The following BBS2 variants were observed in gnomAD, a reference collection of about 807,000 sequenced individuals.
The protein encoded by BBS2 is Bardet-Biedl syndrome 2.
BBS2 carries 62 observed loss-of-function variants against 83.0 expected under a neutral mutation model. That is an observed-to-expected ratio of 0.75 (90% CI 0.61 to 0.92). BBS2 has a LOEUF of 0.92. BBS2 is among the 40% of genes least tolerant of loss of function. The probability of loss-of-function intolerance (pLI) is 0.00; values close to 1 mark genes in which losing one functional copy is unlikely to be tolerated. For missense variants in BBS2, 784 were observed against 901.0 expected (o/e 0.87, Z 1.66); for synonymous variants, 303 against 326.1 (o/e 0.93, Z 0.76).
chr16:56,513,618 T>C (rs1964642045), intron 2 of BBS2, among the ~76,000 whole-genome samples: 1 of 152,236 alleles, frequency 6.6e-6, no homozygotes, highest in Non-Finnish European at 1.5e-5. Context: ...ATAATTCCAT[T>C]GTTTATGAAA....
chr16:56,519,377 G>A (rs74021105), intron 1 of BBS2: 22,941 of 190,680 alleles, frequency 0.12, 1,547 homozygotes, highest in African/African-American at 0.15. Flanking sequence ...TAGAGAGTCA[G>A]AGGAATTCCG....
intron 15 of BBS2, among the ~76,000 whole-genome samples, chr16:56,495,281 T>A (rs1333687132): frequency 6.6e-6 from 1 of 152,156 alleles, no homozygotes; most frequent in Non-Finnish European, 1.5e-5. Flanking sequence ...AAATAATGAA[T>A]CTAGGCAATG....
intron 15 of BBS2, among the ~76,000 whole-genome samples, chr16:56,490,977 G>A (rs745730996): frequency 2.6e-5 from 4 of 151,938 alleles, no homozygotes; most frequent in Non-Finnish European, 5.9e-5. Flanking sequence ...TAGTCAGGAC[G>A]GTCTCGATCT....
chr16:56,479,325 T>G (rs1305091889), intron 17 of BBS2, among the ~76,000 whole-genome samples: 2 of 152,014 alleles, frequency 1.3e-5, no homozygotes, highest in African/African-American at 4.8e-5. Context: ...AATACAAAAA[T>G]TAGCTGGGTG....
At chr16:56,501,314 A>C in intron 10 of BBS2, 39 bp downstream of exon 10, 1 of 1,610,950 alleles carries the variant, frequency 6.2e-7, no homozygotes, top group South Asian at 1.1e-5. Flanking sequence ...CCAAGATGGC[A>C]CAGGTGCCTC....
intron 15 of BBS2, among the ~76,000 whole-genome samples, chr16:56,494,274 C>T (rs1271216170): frequency 6.6e-6 from 1 of 151,480 alleles, no homozygotes; most frequent in African/African-American, 2.4e-5. Flanking sequence ...AACCTGAAGC[C>T]ATGATTTTCA....
chr16:56,472,870 T>C (rs907732805), intron 17 of BBS2, among the ~76,000 whole-genome samples: 9 of 152,200 alleles, frequency 5.9e-5, no homozygotes, highest in African/African-American at 1.9e-4. Context: ...TAGAACAGGT[T>C]TGCACACCCT....
At chr16:56,500,649 A>G (rs1964243675) in intron 11 of BBS2, 1 of 561,146 alleles carries the variant, frequency 1.8e-6, no homozygotes, top group Non-Finnish European at 3.1e-6. Context: ...AAAAAGAACC[A>G]TCTTAAACTT....
Position 56,497,885 on chromosome 16 carries a change from C to A in BBS2, c.1660-5G>T. On this transcript the variant is annotated splice_polypyrimidine_tract_variant and splice_region_variant and intron_variant, in intron 13 of 16. Coordinates refer to ENST00000245157, the MANE Select transcript of BBS2 (RefSeq NM_031885.5). ...ATCATCAGTATTTATAGTGATCTAC[C>A]CAGAGAAAAAATAGACAAGTTTAGC... The A allele has an allele frequency of 6.2e-7, 1 of 1,608,240 alleles. No homozygotes were observed. Among genetic ancestry groups the A allele is most frequent in the Non-Finnish European group, 8.5e-7 (1 of 1,179,620 alleles).
In BBS2 at chr16:56,499,903, G is replaced by T. The variant is rs1791390525; in HGVS notation, c.1402C>A (p.Gln468Lys). ...CTTGTCGATTCAAATACATGAAACT[G>T]GGTGCTATGGCCAATCAATGAAACA... ...KAFVGYRSSTQFHVFESTRQL... is the reference protein window; with the variant it reads ...KAFVGYRSSTKFHVFESTRQL... Residue 468 changes from glutamine to lysine, a missense_variant, in exon 12 of 17, where the codon CAG (glutamine) becomes AAG (lysine). Transcript: ENST00000245157. The T allele has an allele frequency of 1.9e-6, 3 of 1,613,874 alleles. No individual in the cohort carries two copies. Among genetic ancestry groups the T allele is most frequent in the Admixed American group, 1.7e-5 (1 of 59,998 alleles).
chr16:56,492,212 C>G (rs2144116100), intron 15 of BBS2, among the ~76,000 whole-genome samples: 1 of 152,170 alleles, frequency 6.6e-6, no homozygotes, highest in East Asian at 1.9e-4. Context: ...TTAGCACTCC[C>G]ACGTTCATCA....
intron 15 of BBS2, among the ~76,000 whole-genome samples, chr16:56,495,749 TAC>T (rs1964096321): frequency 6.8e-6 from 1 of 147,876 alleles, no homozygotes; most frequent in Non-Finnish European, 1.5e-5. Flanking sequence ...GTGATTTTTA[TAC>T]AGACGTGTGT....
chr16:56,509,821 T>C (rs1234758012), intron 5 of BBS2, 136 bp downstream of exon 5: 4 of 798,828 alleles, frequency 5.0e-6, no homozygotes, highest in South Asian at 1.4e-5. Flanking sequence ...TACAGCTCTG[T>C]CTGACCCCCT....
chr16:56,497,449 AC>A (rs1422330379), intron 14 of BBS2: 12 of 508,380 alleles, frequency 2.4e-5, no homozygotes, highest in Non-Finnish European at 4.2e-5. Flanking sequence ...ACTGAAGAAG[AC>A]CAAAGCAGAT....
In BBS2 at chr16:56,499,784, T is replaced by C. The variant is rs1442813475; in HGVS notation, c.1521A>G (p.Ala507=). Residue 507 remains alanine (A), a synonymous_variant, in exon 12 of 17, where the codon GCA becomes GCG. Transcript: ENST00000245157. The part of the protein sequence containing the change: ...SYVNFTIAER[A]QRVVVWLGQN... ...AGAAAAGCGAGATACTCACCCTCTG[T>C]GCCCGTTCTGCAATGGTAAAGTTAA... 12 of 1,614,144 alleles carry C rather than the reference T, an allele frequency of 7.4e-6. No individual in the cohort carries two copies. The highest frequency in any genetic ancestry group is 9.3e-6 in the Non-Finnish European group (11 of 1,179,978).
In BBS2 at chr16:56,500,894, C is replaced by G; in HGVS notation, c.1357G>C (p.Val453Leu). The change falls in exon 11 of 17, where the codon GTG becomes CTG. Residue 453 changes from valine to leucine, a missense_variant. Val to Leu is a conservative substitution (Grantham distance 32). Coordinates refer to ENST00000245157, the MANE Select transcript of BBS2 (RefSeq NM_031885.5). ...ACGAATGCCTTCAAGTGCAGATCCA[C>G]AGGGACATCTTTGGGAGGCACAATA... ...IPIVPPKDVP[V>L]DLHLKAFVGY... The G allele has an allele frequency of 6.2e-7, 1 of 1,614,154 alleles. No homozygotes were observed. The highest frequency in any genetic ancestry group is 8.5e-7 in the Non-Finnish European group (1 of 1,180,032).
chr16:56,502,250 C>T (rs1964295882), intron 9 of BBS2, 67 bp downstream of exon 9: 1 of 1,604,756 alleles, frequency 6.2e-7, no homozygotes, highest in Non-Finnish European at 8.5e-7. Context: ...TCCATATTTG[C>T]TGATCCTCCC....
rs144402935 is a variant in BBS2 at position 56,488,586 on chromosome 16, ACT to A, written c.1911-2850_1911-2849del. On this transcript the variant is annotated intron_variant, in intron 15 of 16. Coordinates refer to ENST00000245157, the MANE Select transcript of BBS2 (RefSeq NM_031885.5). Reference sequence around the variant, plus strand: ...CCCTAGGTGCATCAACCTTCAGGAAACTCTGTGTGTTCAGATGTCTAGAAAAT... The same window carrying A: ...CCCTAGGTGCATCAACCTTCAGGAAACTGTGTGTTCAGATGTCTAGAAAAT... Among the ~76,000 whole-genome samples, 760 of 152,094 alleles carry A rather than the reference ACT, an allele frequency of 5.0e-3. 6 individuals are homozygous for A. The highest frequency in any genetic ancestry group is 0.017 in the African/African-American group (724 of 41,528).
At chr16:56,496,573 A>C (rs994958121) in intron 15 of BBS2, among the ~76,000 whole-genome samples, 2 of 152,020 alleles carry the variant, frequency 1.3e-5, no homozygotes, top group Admixed American at 6.6e-5. Flanking sequence ...CCTTGCTCTT[A>C]TGTGTCATGG....
Sources: allele counts gnomAD v4.1 joint callset (sites outside exome capture counted in the v4.1 genomes callset), GRCh38; gene constraint gnomAD v4.1.1; transcripts MANE v1.5; gene names NCBI Gene and HGNC (gene_info 2026-07-23, HGNC 2026-07-21).